GNAQ: variants seen among roughly 807,000 people sequenced by gnomAD.
The protein encoded by GNAQ is guanine nucleotide-binding protein G(q) subunit alpha.
A neutral mutation model predicts 43.9 loss-of-function variants in GNAQ; 8 were observed. The ratio of observed to expected loss-of-function variants is 0.18; its 90% CI spans 0.11 to 0.33. The LOEUF is 0.33. Ranked by LOEUF, GNAQ falls within the 10% of genes least tolerant of loss-of-function variation. The probability of loss-of-function intolerance (pLI) is 1.00; values close to 1 mark genes in which losing one functional copy is unlikely to be tolerated. For missense variants in GNAQ, 158 were observed against 450.8 expected (o/e 0.35, Z 5.88); for synonymous variants, 155 against 170.7 (o/e 0.91, Z 0.71).
chr9:77,812,491 T>C (rs1044179679), intron 3 of GNAQ, among the ~76,000 whole-genome samples: 26 of 152,176 alleles, frequency 1.7e-4, no homozygotes, highest in African/African-American at 5.1e-4. Context: ...AGCTAAATCA[T>C]ACTATGAGAA....
intron 1 of GNAQ, among the ~76,000 whole-genome samples, chr9:78,022,710 C>A (rs1823925973): frequency 6.6e-6 from 1 of 152,190 alleles, no homozygotes; most frequent in Admixed American, 6.5e-5. Flanking sequence ...GAACAAGTCA[C>A]AGGAAATGGG....
intron 5 of GNAQ, among the ~76,000 whole-genome samples, chr9:77,743,291 AAAAC>A (rs767902401): frequency 1.1e-4 from 16 of 151,968 alleles, no homozygotes; most frequent in African/African-American, 1.4e-4. Flanking sequence ...ACAAACAAAA[AAAAC>A]AAACAACATC....
chr9:77,767,455 G>A (rs1485547656), intron 5 of GNAQ, among the ~76,000 whole-genome samples: 1 of 152,060 alleles, frequency 6.6e-6, no homozygotes, highest in Non-Finnish European at 1.5e-5. Context: ...AGCTGCTCTG[G>A]TAGTATGCAT....
At chr9:77,830,322 G>A (rs1191604716) in intron 2 of GNAQ, among the ~76,000 whole-genome samples, 1 of 152,000 alleles carries the variant, frequency 6.6e-6, no homozygotes, top group African/African-American at 2.4e-5. Flanking sequence ...GAAGTATGGG[G>A]CACACATCAT....
chr9:77,897,373 C>T (rs1486433017), intron 2 of GNAQ, among the ~76,000 whole-genome samples: 1 of 152,178 alleles, frequency 6.6e-6, no homozygotes, highest in Admixed American at 6.5e-5. Flanking sequence ...GCTGAGAGCA[C>T]AATGAGGGAG....
chr9:77,906,268 ACAT>A (rs1171935651), intron 2 of GNAQ, among the ~76,000 whole-genome samples: 1 of 152,212 alleles, frequency 6.6e-6, no homozygotes, highest in Non-Finnish European at 1.5e-5. Context: ...GAAATGAAGT[ACAT>A]CATCAGTATT....
rs149122306 is a variant in GNAQ, at chr9:77,878,562, G to A, written c.321+43599C>T. On this transcript the variant is annotated intron_variant, in intron 2 of 6. Transcript: ENST00000286548. ...CATAAAATGCACCTAATATGTTGGT[G>A]CACTTTCAACCTCTAATTATTTGAT... is the stretch of plus-strand genomic sequence containing the variant. Among the ~76,000 whole-genome samples the A allele has an allele frequency of 1.9e-3, 295 of 151,712 alleles. 2 individuals are homozygous for A. The highest frequency in any genetic ancestry group is 6.1e-3 in the African/African-American group (254 of 41,336).
chr9:77,728,762 T>A (rs1406587783), intron 5 of GNAQ, 95 bp from the exon 6 acceptor site: 2 of 839,026 alleles, frequency 2.4e-6, no homozygotes, highest in African/African-American at 3.4e-5. Context: ...AACCCATCTT[T>A]TGTATACGAC....
At chr9:77,945,438 T>A (rs1308964277) in intron 1 of GNAQ, among the ~76,000 whole-genome samples, 1 of 152,216 alleles carries the variant, frequency 6.6e-6, no homozygotes, top group Non-Finnish European at 1.5e-5. Flanking sequence ...GGGTTATGAT[T>A]ACATGCAAAA....
At chr9:77,883,254 C>G (rs75887967) in intron 2 of GNAQ, among the ~76,000 whole-genome samples, 14 of 152,132 alleles carry the variant, frequency 9.2e-5, no homozygotes, top group Non-Finnish European at 1.9e-4. Context: ...CTAGCCTAGC[C>G]TCTGCCAGTG....
At chr9:77,726,832 A>G (rs1309350130) in intron 6 of GNAQ, among the ~76,000 whole-genome samples, 1 of 152,196 alleles carries the variant, frequency 6.6e-6, no homozygotes, top group African/African-American at 2.4e-5. Context: ...GCAAAGTGGA[A>G]CTTTTCAGAG....
chr9:77,960,782 A>G lies in GNAQ; in HGVS notation c.137-38437T>C, dbSNP rs577931510. On this transcript the variant is annotated intron_variant, in intron 1 of 6. Coordinates refer to ENST00000286548, the MANE Select transcript of GNAQ (RefSeq NM_002072.5). ...AAAGTATCACTTTAACCTAAAAAAA[A>G]TGATCTATTCACTACACTAGAATAA... Among the ~76,000 whole-genome samples the G allele has an allele frequency of 4.6e-5, 7 of 152,230 alleles. No individual in the cohort carries two copies. In the East Asian group the frequency reaches 7.7e-4, roughly 17 times the overall value.
At chr9:78,006,562 C>T (rs1026679566) in intron 1 of GNAQ, among the ~76,000 whole-genome samples, 1 of 152,286 alleles carries the variant, frequency 6.6e-6, no homozygotes, top group South Asian at 2.1e-4. Flanking sequence ...CCTTTCCAAG[C>T]ATCATTCAAA....
intron 1 of GNAQ, among the ~76,000 whole-genome samples, chr9:77,965,432 C>G (rs961143442): frequency 6.6e-6 from 1 of 152,042 alleles, no homozygotes; most frequent in Non-Finnish European, 1.5e-5. Context: ...AAAAGACAAA[C>G]CACAGACAAG....
intron 2 of GNAQ, among the ~76,000 whole-genome samples, chr9:77,832,320 TCA>T (rs1331068275): frequency 6.6e-6 from 1 of 152,164 alleles, no homozygotes; most frequent in South Asian, 2.1e-4. Flanking sequence ...CTTCAATTAT[TCA>T]CAAAGTGGTC....
chr9:77,827,281 A>G (rs1827213101), intron 2 of GNAQ, among the ~76,000 whole-genome samples: 1 of 150,720 alleles, frequency 6.6e-6, no homozygotes. Context: ...ATATCCACGC[A>G]TGCTCTTCTG....
At chr9:77,805,594 T>C (rs1587924564) in intron 3 of GNAQ, among the ~76,000 whole-genome samples, 1 of 151,924 alleles carries the variant, frequency 6.6e-6, no homozygotes, top group East Asian at 1.9e-4. Flanking sequence ...TTAGTAGAGA[T>C]GGGGTTTCAC....
At chr9:77,861,420 CAA>C (rs1827848999) in intron 2 of GNAQ, among the ~76,000 whole-genome samples, 1 of 152,160 alleles carries the variant, frequency 6.6e-6, no homozygotes, top group African/African-American at 2.4e-5. Context: ...AACAGTCCCC[CAA>C]AGTCTTAACT....
intron 1 of GNAQ, among the ~76,000 whole-genome samples, chr9:77,986,052 C>G (rs1251579246): frequency 6.6e-6 from 1 of 152,196 alleles, no homozygotes; most frequent in East Asian, 1.9e-4. Context: ...TCCACCTCTA[C>G]TGTTGCTTCT....
Sources: allele counts gnomAD v4.1 joint callset (sites outside exome capture counted in the v4.1 genomes callset), GRCh38; gene constraint gnomAD v4.1.1; transcripts MANE v1.5; gene names NCBI Gene and HGNC (gene_info 2026-07-23, HGNC 2026-07-21).